Variants in KCNH8 observed in about 807,000 individuals in gnomAD.
KCNH8 encodes potassium voltage-gated channel subfamily H member 8, also known as voltage-gated delayed rectifier potassium channel KCNH8.
In KCNH8, 70 loss-of-function variants were observed where a neutral mutation model predicts 103.6. That is an observed-to-expected ratio of 0.68 (90% CI 0.56 to 0.82). The LOEUF (loss-of-function observed/expected upper bound fraction) is 0.82. KCNH8 is among the 40% of genes least tolerant of loss of function. The pLI, the probability that KCNH8 is intolerant of heterozygous loss-of-function variation, is 0.00. For missense variants in KCNH8, 1,217 were observed against 1,329.9 expected (o/e 0.92, Z 1.32); for synonymous variants, 498 against 489.4 (o/e 1.02, Z -0.23).
intron 2 of KCNH8, among the ~76,000 whole-genome samples, chr3:19,277,031 T>A (rs1328584286): frequency 3.3e-5 from 5 of 152,042 alleles, no homozygotes. Context: ...AAAAATGAAG[T>A]TCTGTCATTT....
chr3:19,213,224 T>C (rs2063787391), intron 1 of KCNH8, among the ~76,000 whole-genome samples: 2 of 152,338 alleles, frequency 1.3e-5, no homozygotes, highest in South Asian at 4.1e-4. Context: ...ATATTTCCTC[T>C]ATGAAACCTA....
In KCNH8 at chr3:19,533,616, A is replaced by G; in HGVS notation, c.2841A>G (p.Ala947=). The G allele has an allele frequency of 6.2e-7, 1 of 1,614,200 alleles. No individual in the cohort carries two copies. The highest frequency in any genetic ancestry group is 2.2e-5 in the East Asian group (1 of 44,872). Residue 947 remains alanine (A), a synonymous_variant, in exon 16 of 16, where the codon GCA becomes GCG. Transcript: ENST00000328405. ...LQTGGAAYTQ[A]QLCSSNITSD... ...CAGGCGGGGCTGCTTATACCCAAGC[A>G]CAACTTTGTAGCAGTAATATCACCT...
At chr3:19,294,055 T>C (rs1436989781) in intron 3 of KCNH8, among the ~76,000 whole-genome samples, 1 of 152,180 alleles carries the variant, frequency 6.6e-6, no homozygotes, top group Non-Finnish European at 1.5e-5. Context: ...CGATTTTTCA[T>C]GTATTTACCT....
At chr3:19,303,660 T>C (rs2065092756) in intron 3 of KCNH8, among the ~76,000 whole-genome samples, 1 of 152,080 alleles carries the variant, frequency 6.6e-6, no homozygotes, top group Admixed American at 6.6e-5. Context: ...TCAGTATCTG[T>C]GTGGGAAAGG....
intron 3 of KCNH8, among the ~76,000 whole-genome samples, chr3:19,296,594 T>C (rs1231580953): frequency 6.6e-6 from 1 of 152,178 alleles, no homozygotes; most frequent in Non-Finnish European, 1.5e-5. Context: ...AGGACTCTCT[T>C]GAGTGGCATT....
chr3:19,523,233 C>A (rs1441445667), intron 15 of KCNH8, among the ~76,000 whole-genome samples: 1 of 151,826 alleles, frequency 6.6e-6, no homozygotes, highest in Non-Finnish European at 1.5e-5. Context: ...ATAGGTCAGT[C>A]ATGTCCTTTA....
chr3:19,484,475 C>G (rs778751535), intron 11 of KCNH8, among the ~76,000 whole-genome samples: 4 of 152,160 alleles, frequency 2.6e-5, no homozygotes, highest in Non-Finnish European at 5.9e-5. Flanking sequence ...CATGCTTCAG[C>G]CGTGCGTAGA....
intron 1 of KCNH8, among the ~76,000 whole-genome samples, chr3:19,227,698 G>A (rs187470273): frequency 1.0e-3 from 156 of 152,286 alleles, no homozygotes; most frequent in Middle Eastern, 3.4e-3. Flanking sequence ...TATAGATTCA[G>A]GGAAACACTC....
chr3:19,440,604 T>G (rs530308311), intron 8 of KCNH8, among the ~76,000 whole-genome samples: 12 of 152,228 alleles, frequency 7.9e-5, no homozygotes, highest in African/African-American at 2.9e-4. Flanking sequence ...ATGATTCAAC[T>G]ACCTCCCACT....
intron 1 of KCNH8, among the ~76,000 whole-genome samples, chr3:19,170,300 A>G (rs554041425): frequency 6.6e-6 from 1 of 152,302 alleles, no homozygotes; most frequent in South Asian, 2.1e-4. Flanking sequence ...ACACAAATGT[A>G]TACACACACT....
At chr3:19,343,378 C>T (rs1194172705) in intron 4 of KCNH8, among the ~76,000 whole-genome samples, 1 of 152,076 alleles carries the variant, frequency 6.6e-6, no homozygotes, top group East Asian at 1.9e-4. Flanking sequence ...TTTTACATGA[C>T]ATATGTCTTC....
chr3:19,336,266 G>T (rs143541435), intron 3 of KCNH8, among the ~76,000 whole-genome samples: 1 of 151,620 alleles, frequency 6.6e-6, no homozygotes, highest in Non-Finnish European at 1.5e-5. Context: ...TTTAAAAACA[G>T]TCTTTTATTT....
intron 7 of KCNH8, among the ~76,000 whole-genome samples, chr3:19,396,384 T>C (rs1365903549): frequency 1.3e-5 from 2 of 152,034 alleles, no homozygotes; most frequent in Admixed American, 6.6e-5. Context: ...GAGGAAGAGC[T>C]GGAGACCTTA....
chr3:19,317,242 A>G (rs1348202548), intron 3 of KCNH8, among the ~76,000 whole-genome samples: 1 of 151,972 alleles, frequency 6.6e-6, no homozygotes, highest in Non-Finnish European at 1.5e-5. Flanking sequence ...TGTTACTGCT[A>G]CAAATTATTA....
intron 1 of KCNH8, among the ~76,000 whole-genome samples, chr3:19,236,625 G>A (rs1401020707): frequency 1.3e-5 from 2 of 152,040 alleles, no homozygotes; most frequent in Non-Finnish European, 2.9e-5. Flanking sequence ...CTCAGAATCT[G>A]GTAAAGGAAG....
At chr3:19,287,395 TG>T (rs1273261017) in intron 3 of KCNH8, among the ~76,000 whole-genome samples, 4 of 152,270 alleles carry the variant, frequency 2.6e-5, no homozygotes, top group Non-Finnish European at 5.9e-5. Context: ...AAGAGAGTGC[TG>T]GGAGAGAAAG....
At chr3:19,500,439 A>G (rs2068553565) in intron 11 of KCNH8, among the ~76,000 whole-genome samples, 1 of 152,162 alleles carries the variant, frequency 6.6e-6, no homozygotes, top group South Asian at 2.1e-4. Context: ...AGCGGACCTA[A>G]TAGACATCTA....
intron 2 of KCNH8, among the ~76,000 whole-genome samples, chr3:19,256,663 AG>A (rs1264718789): frequency 5.3e-5 from 8 of 152,206 alleles, no homozygotes; most frequent in Admixed American, 3.3e-4. Flanking sequence ...TCTAGGTGTC[AG>A]GACCAAACAA....
In KCNH8 at chr3:19,251,456, C is replaced by T. The variant is rs531193030; in HGVS notation, c.77-2198C>T. 9.9e-5 allele frequency among the ~76,000 whole-genome samples: 15 copies of T among 152,050 alleles called. No individual in the cohort carries two copies. The East Asian group carries it at 2.5e-3, about 26-fold the overall frequency. ...GGCAGAGGCAGGGTGCTGATGCTTA[C>T]ATTACACTTGGTACTCTGGGGTTAG... On this transcript the variant is annotated intron_variant, in intron 1 of 15. Coordinates refer to ENST00000328405, the MANE Select transcript of KCNH8 (RefSeq NM_144633.3).
Sources: gnomAD v4.1 joint callset for allele counts (sites outside exome capture counted in the v4.1 genomes callset) on GRCh38, gnomAD v4.1.1 for gene constraint, MANE v1.5 for transcripts, NCBI Gene and HGNC (gene_info 2026-07-23, HGNC 2026-07-21) for gene names.